The following DENND1A variants were observed in gnomAD, a reference collection of about 807,000 sequenced individuals.
DENND1A encodes DENN domain containing 1A, also known as DENN domain-containing protein 1A.
DENND1A carries 51 observed loss-of-function variants against 113.7 expected under a neutral mutation model. That is an observed-to-expected ratio of 0.45 (90% CI 0.36 to 0.57). DENND1A has a LOEUF of 0.57. Among genes scored for constraint, DENND1A ranks in the 20% least tolerant of loss-of-function variants. DENND1A has a pLI of 0.00. For synonymous variants in DENND1A, 565 were observed against 570.8 expected, an observed-to-expected ratio of 0.99 and a Z score of 0.14; for missense variants, 1,258 against 1,395.9, an observed-to-expected ratio of 0.90 and a Z score of 1.57.
chr9:123,648,184 A>T (rs2062441338), intron 9 of DENND1A, among the ~76,000 whole-genome samples: 1 of 152,094 alleles, frequency 6.6e-6, no homozygotes, highest in Non-Finnish European at 1.5e-5. Context: ...GGCTCAAGTG[A>T]TCTTCCCGCC....
chr9:123,868,383 C>T (rs574201131), intron 2 of DENND1A, among the ~76,000 whole-genome samples: 12 of 152,208 alleles, frequency 7.9e-5, no homozygotes, highest in African/African-American at 2.6e-4. Context: ...AGCAGAGTTC[C>T]ACACAGATAT....
chr9:123,433,285 G>A lies in DENND1A; in HGVS notation c.1488+7075C>T, dbSNP rs566431664. ...CTGAAACTTAAGTCCAGAACTGCCC[G>A]ATTCTAAAACCTGTGCTTCATCCAC... is the stretch of plus-strand genomic sequence containing the variant. On this transcript the variant is annotated intron_variant, in intron 19 of 23. Transcript: ENST00000394215. Among the ~76,000 whole-genome samples the A allele has an allele frequency of 1.1e-4, 16 of 152,316 alleles. No homozygotes were observed. In the East Asian group the frequency reaches 1.3e-3, roughly 13 times the overall value.
intron 11 of DENND1A, among the ~76,000 whole-genome samples, chr9:123,604,161 A>G (rs1213162681): frequency 2.0e-5 from 3 of 152,168 alleles, no homozygotes; most frequent in Admixed American, 1.3e-4. Context: ...TCATGCTCCT[A>G]TCGGAGGCTG....
At chr9:123,481,315 T>A (rs1437220864) in intron 13 of DENND1A, among the ~76,000 whole-genome samples, 2 of 152,178 alleles carry the variant, frequency 1.3e-5, no homozygotes, top group African/African-American at 4.8e-5. Context: ...GGATGGCAAC[T>A]ACCTAGAAAC....
At chr9:123,599,581 G>A (rs2059856211) in intron 11 of DENND1A, among the ~76,000 whole-genome samples, 1 of 152,140 alleles carries the variant, frequency 6.6e-6, no homozygotes, top group Non-Finnish European at 1.5e-5. Context: ...TGCTGATGGG[G>A]ATATTAAGGC....
chr9:123,923,866 C>T (rs994095161), intron 1 of DENND1A, among the ~76,000 whole-genome samples: 2 of 152,114 alleles, frequency 1.3e-5, no homozygotes, highest in East Asian at 3.8e-4. Flanking sequence ...CTTTAGGAAA[C>T]AATTTTAACA....
chr9:123,780,463 C>T (rs1305967142), intron 3 of DENND1A, among the ~76,000 whole-genome samples: 2 of 152,188 alleles, frequency 1.3e-5, no homozygotes, highest in Non-Finnish European at 2.9e-5. Flanking sequence ...TGACTGAGCA[C>T]TTACTATTGC....
At chr9:123,535,804 G>A (rs1017209451) in intron 13 of DENND1A, among the ~76,000 whole-genome samples, 1 of 152,112 alleles carries the variant, frequency 6.6e-6, no homozygotes, top group Non-Finnish European at 1.5e-5. Flanking sequence ...ATCACTATCT[G>A]AACTCATCTT....
intron 5 of DENND1A, among the ~76,000 whole-genome samples, chr9:123,740,377 A>C (rs2068906986): frequency 6.6e-6 from 1 of 152,186 alleles, no homozygotes; most frequent in Non-Finnish European, 1.5e-5. Context: ...CAGGTACAGA[A>C]GATAAGCATT....
At chr9:123,828,639 C>CAAA (rs59346883) in intron 2 of DENND1A, among the ~76,000 whole-genome samples, 1,531 of 115,978 alleles carry the variant, frequency 0.013, 29 homozygotes, top group African/African-American at 0.041. Flanking sequence ...TAAAAGTAGC[C>CAAA]AAAAAAAAAA....
At chr9:123,526,245 T>A (rs541963706) in intron 13 of DENND1A, among the ~76,000 whole-genome samples, 64 of 152,170 alleles carry the variant, frequency 4.2e-4, no homozygotes, top group African/African-American at 1.5e-3. Context: ...TGACTCCTCA[T>A]CCTTTCCCTG....
At chr9:123,403,045 A>G (rs1250443913) in intron 21 of DENND1A, among the ~76,000 whole-genome samples, 5 of 152,196 alleles carry the variant, frequency 3.3e-5, no homozygotes, top group African/African-American at 1.2e-4. Context: ...AGGTGGGTGG[A>G]TCCAGTTCAA....
chr9:123,680,593 C>T (rs1395372843), intron 5 of DENND1A, among the ~76,000 whole-genome samples: 1 of 152,204 alleles, frequency 6.6e-6, no homozygotes, highest in Non-Finnish European at 1.5e-5. Context: ...GGGTGAGCTG[C>T]TGGCTCTTGA....
chr9:123,766,669 A>G (rs1454481871), intron 4 of DENND1A, among the ~76,000 whole-genome samples: 2 of 152,180 alleles, frequency 1.3e-5, no homozygotes, highest in African/African-American at 2.4e-5. Flanking sequence ...GCAAGTCCCA[A>G]TTTCTCTGCA....
At chr9:123,633,220 T>C (rs1259607956) in intron 9 of DENND1A, among the ~76,000 whole-genome samples, 2 of 151,968 alleles carry the variant, frequency 1.3e-5, no homozygotes, top group African/African-American at 4.8e-5. Context: ...TAGGCACCCA[T>C]TATTAACTGG....
intron 13 of DENND1A, among the ~76,000 whole-genome samples, chr9:123,470,672 C>T (rs1006824625): frequency 6.6e-6 from 1 of 152,168 alleles, no homozygotes; most frequent in Non-Finnish European, 1.5e-5. Context: ...AGAAGAGGCA[C>T]AAATTCGTCT....
chr9:123,626,216 A>G (rs938595328), intron 10 of DENND1A, among the ~76,000 whole-genome samples: 9 of 152,086 alleles, frequency 5.9e-5, no homozygotes, highest in African/African-American at 1.9e-4. Flanking sequence ...TAGAGCACAC[A>G]TCTGGCGTGT....
chr9:123,476,165 CAG>C (rs2049894022), intron 13 of DENND1A, among the ~76,000 whole-genome samples: 2 of 148,966 alleles, frequency 1.3e-5, no homozygotes, highest in African/African-American at 5.0e-5. Context: ...GCCTGGGTGA[CAG>C]AGAGGGACCA....
At chr9:123,429,356 G>T (rs1364267274) in intron 19 of DENND1A, among the ~76,000 whole-genome samples, 3 of 152,214 alleles carry the variant, frequency 2.0e-5, no homozygotes, top group Admixed American at 2.0e-4. Context: ...GGGAGTTCAA[G>T]ACCAGCCTGG....
Sources: allele counts gnomAD v4.1 joint callset (sites outside exome capture counted in the v4.1 genomes callset), GRCh38; gene constraint gnomAD v4.1.1; transcripts MANE v1.5; gene names NCBI Gene and HGNC (gene_info 2026-07-23, HGNC 2026-07-21).